The following KSR2 variants were observed in gnomAD, a reference collection of about 807,000 sequenced individuals.
The protein encoded by KSR2 is kinase suppressor of ras 2.
A neutral mutation model predicts 107.8 loss-of-function variants in KSR2; 25 were observed. The ratio of observed to expected loss-of-function variants is 0.23; its 90% CI spans 0.17 to 0.32. The LOEUF is 0.32. KSR2 is among the 10% of genes least tolerant of loss of function. KSR2 has a pLI of 1.00. For missense variants in KSR2, 887 were observed against 1,268.9 expected, an observed-to-expected ratio of 0.70 and a Z score of 4.57; for synonymous variants, 480 against 507.0, an observed-to-expected ratio of 0.95 and a Z score of 0.71.
intron 5 of KSR2, among the ~76,000 whole-genome samples, chr12:117,655,356 C>G (rs1033762026): frequency 6.6e-6 from 1 of 152,192 alleles, no homozygotes; most frequent in Admixed American, 6.5e-5. Context: ...CCCCATCATC[C>G]TGAAGCAGCT....
At chr12:117,532,842 A>G (rs1369440169) in intron 10 of KSR2, among the ~76,000 whole-genome samples, 1 of 152,188 alleles carries the variant, frequency 6.6e-6, no homozygotes, top group African/African-American at 2.4e-5. Flanking sequence ...GGGCAGGGAT[A>G]TAGTCAGATG....
intron 5 of KSR2, among the ~76,000 whole-genome samples, chr12:117,636,843 A>G (rs988981871): frequency 5.9e-5 from 9 of 152,210 alleles, no homozygotes; most frequent in Admixed American, 5.2e-4. Flanking sequence ...CTATACATCA[A>G]AAGAGCCAAT....
chr12:117,572,699 T>TA (rs35907962), intron 7 of KSR2, among the ~76,000 whole-genome samples: 4,103 of 123,638 alleles, frequency 0.033, 121 homozygotes, highest in African/African-American at 0.089. Context: ...TCCAGCCCAT[T>TA]AAAAAAAAAA....
At chr12:117,545,432 TG>T (rs145775333) in intron 9 of KSR2, among the ~76,000 whole-genome samples, 15 of 152,338 alleles carry the variant, frequency 9.8e-5, no homozygotes, top group African/African-American at 3.6e-4. Flanking sequence ...TTTCTTTTTT[TG>T]GAGTAAGACA....
chr12:117,734,267 C>A (rs1286488240), intron 4 of KSR2, among the ~76,000 whole-genome samples: 1 of 125,000 alleles, frequency 8.0e-6, no homozygotes, highest in African/African-American at 3.3e-5. Context: ...GGCAATAGAG[C>A]GAGACTCTGT....
rs1287866350 is a variant in KSR2 at position 117,914,369 on chromosome 12, C to T, written c.180+53707G>A. Among the ~76,000 whole-genome samples the T allele has an allele frequency of 2.0e-5, 3 of 149,036 alleles. No homozygotes were observed. The Admixed American group carries it at 2.0e-4, about 10-fold the overall frequency. On this transcript the variant is annotated intron_variant, in intron 1 of 19. Coordinates refer to ENST00000339824, the MANE Select transcript of KSR2 (RefSeq NM_173598.6). ...GCTCGAACCCAGGAGGTGGATGCTGCAGCGAGTCGAAATCACGCCACTGCA... is the reference window on the plus strand; with the variant it reads ...GCTCGAACCCAGGAGGTGGATGCTGTAGCGAGTCGAAATCACGCCACTGCA...
At chr12:117,778,241 C>A (rs145502637) in intron 3 of KSR2, among the ~76,000 whole-genome samples, 5 of 152,048 alleles carry the variant, frequency 3.3e-5, no homozygotes, top group East Asian at 1.9e-4. Flanking sequence ...CAGGTGTGAA[C>A]CACCATGCCC....
At chr12:117,875,802 T>C (rs1385042451) in intron 1 of KSR2, among the ~76,000 whole-genome samples, 3 of 152,118 alleles carry the variant, frequency 2.0e-5, no homozygotes, top group East Asian at 1.9e-4. Context: ...CTTTCCTTGG[T>C]GGCACTTTGC....
intron 1 of KSR2, among the ~76,000 whole-genome samples, chr12:117,861,639 C>T (rs55804499): frequency 0.1 from 15,656 of 151,798 alleles, 1,053 homozygotes; most frequent in African/African-American, 0.18. Flanking sequence ...CTGCCCGCCT[C>T]GGCCTCCCAA....
At chr12:117,496,440 C>A (rs1029187245) in intron 14 of KSR2, among the ~76,000 whole-genome samples, 1 of 152,168 alleles carries the variant, frequency 6.6e-6, no homozygotes, top group East Asian at 1.9e-4. Flanking sequence ...CATCTCCTAA[C>A]GATGGGGCTG....
At chr12:117,921,992 T>C (rs895301336) in intron 1 of KSR2, among the ~76,000 whole-genome samples, 1 of 152,178 alleles carries the variant, frequency 6.6e-6, no homozygotes, top group Non-Finnish European at 1.5e-5. Context: ...CTGTATACTT[T>C]TATTTGCCTA....
At chr12:117,515,268 A>T (rs1458305703) in intron 14 of KSR2, among the ~76,000 whole-genome samples, 1 of 152,048 alleles carries the variant, frequency 6.6e-6, no homozygotes, top group Non-Finnish European at 1.5e-5. Flanking sequence ...CATCACTGTT[A>T]CTTCTCCCAC....
At chr12:117,655,388 G>A (rs1306036570) in intron 5 of KSR2, among the ~76,000 whole-genome samples, 2 of 152,294 alleles carry the variant, frequency 1.3e-5, no homozygotes, top group South Asian at 4.1e-4. Context: ...ACGGTGGAAT[G>A]GCCTTTTGAA....
intron 3 of KSR2, among the ~76,000 whole-genome samples, chr12:117,797,954 C>T (rs1890693192): frequency 1.3e-5 from 2 of 152,230 alleles, no homozygotes; most frequent in South Asian, 2.1e-4. Context: ...CCCAGCCTGT[C>T]GCTTTGATAT....
chr12:117,513,975 A>C (rs890907709), intron 14 of KSR2, among the ~76,000 whole-genome samples: 4 of 152,152 alleles, frequency 2.6e-5, no homozygotes, highest in African/African-American at 9.7e-5. Flanking sequence ...GAGGGTTGTT[A>C]ATTACAACGT....
intron 3 of KSR2, among the ~76,000 whole-genome samples, chr12:117,768,661 G>A (rs1012042710): frequency 1.3e-4 from 20 of 152,204 alleles, no homozygotes; most frequent in Admixed American, 2.6e-4. Flanking sequence ...GGGAGATGAC[G>A]GGGACCTGGG....
At chr12:117,686,671 C>T (rs1301432878) in intron 4 of KSR2, among the ~76,000 whole-genome samples, 1 of 152,104 alleles carries the variant, frequency 6.6e-6, no homozygotes, top group Non-Finnish European at 1.5e-5. Flanking sequence ...ATTGTCTACT[C>T]AGGTGGTAAG....
chr12:117,511,127 A>G (rs368340747), intron 14 of KSR2, among the ~76,000 whole-genome samples: 3 of 152,224 alleles, frequency 2.0e-5, no homozygotes, highest in South Asian at 4.1e-4. Context: ...AATCTGCACT[A>G]AAGTTCAATT....
intron 3 of KSR2, among the ~76,000 whole-genome samples, chr12:117,766,723 T>G (rs1020134530): frequency 6.6e-6 from 1 of 151,632 alleles, no homozygotes; most frequent in Admixed American, 6.6e-5. Flanking sequence ...GCCCAGAACT[T>G]GAAGGTGAAC....
Sources: allele counts gnomAD v4.1 joint callset (sites outside exome capture counted in the v4.1 genomes callset), GRCh38; gene constraint gnomAD v4.1.1; transcripts MANE v1.5; gene names NCBI Gene and HGNC (gene_info 2026-07-23, HGNC 2026-07-21).